Variants in CDH7 observed in about 807,000 individuals in gnomAD.
CDH7 encodes the protein cadherin-7.
CDH7 carries 25 observed loss-of-function variants against 71.8 expected under a neutral mutation model. The ratio of observed to expected loss-of-function variants is 0.35; its 90% CI spans 0.25 to 0.49. CDH7 has a LOEUF of 0.49. CDH7 is among the 20% of genes least tolerant of loss of function. The pLI, the probability that CDH7 is intolerant of heterozygous loss-of-function variation, is 0.99. For missense variants in CDH7, 862 were observed against 974.6 expected, an observed-to-expected ratio of 0.88 and a Z score of 1.54; for synonymous variants, 381 against 363.8, an observed-to-expected ratio of 1.05 and a Z score of -0.54.
At chr18:65,787,486 C>T (rs1481591050) in intron 2 of CDH7, among the ~76,000 whole-genome samples, 4 of 152,132 alleles carry the variant, frequency 2.6e-5, no homozygotes, top group Non-Finnish European at 5.9e-5. Context: ...AGAGTAGTTA[C>T]CAAATACAAG....
At chr18:65,819,507 A>G (rs1911841667) in intron 4 of CDH7, among the ~76,000 whole-genome samples, 1 of 152,124 alleles carries the variant, frequency 6.6e-6, no homozygotes, top group South Asian at 2.1e-4. Context: ...CTCTTGATAT[A>G]TATTATTAAG....
chr18:65,834,132 T>G (rs1419288501), intron 6 of CDH7, among the ~76,000 whole-genome samples: 3 of 152,212 alleles, frequency 2.0e-5, no homozygotes, highest in Non-Finnish European at 2.9e-5. Flanking sequence ...AGGAGAGAAT[T>G]TAATAATTGT....
chr18:65,781,002 T>C (rs955749963), intron 2 of CDH7, among the ~76,000 whole-genome samples: 5 of 150,308 alleles, frequency 3.3e-5, no homozygotes, highest in Non-Finnish European at 4.4e-5. Flanking sequence ...CTAGCTATGG[T>C]CCCATCTTCA....
At chr18:65,848,865 T>C (rs1289206468) in intron 7 of CDH7, among the ~76,000 whole-genome samples, 2 of 152,210 alleles carry the variant, frequency 1.3e-5, no homozygotes. Context: ...ATTCCTAGTA[T>C]TGTATATCCT....
intron 2 of CDH7, among the ~76,000 whole-genome samples, chr18:65,797,326 T>G (rs1365752251): frequency 1.3e-5 from 2 of 152,196 alleles, no homozygotes; most frequent in Non-Finnish European, 2.9e-5. Context: ...TTTTCCCTTT[T>G]TCTTCCTATT....
chr18:65,882,322 G>T lies in CDH7; in HGVS notation c.*1428G>T, dbSNP rs1327001875. 6.6e-6 allele frequency: 1 copy of T among 152,042 alleles called. No individual in the cohort carries two copies. The highest frequency in any genetic ancestry group is 2.4e-5 in the African/African-American group (1 of 41,404). 9.4% of individuals were successfully genotyped at this position (152,042 alleles called of 1,614,324 possible). A position where few individuals can be genotyped will look rare whatever the true frequency, so the allele number is the denominator to read the frequency against. On this transcript the variant is annotated 3_prime_UTR_variant, in exon 12 of 12. Transcript: ENST00000397968. Reference sequence around the variant, plus strand: ...ATGTTTCTACCTATTATTTTTCCTAGATTAATACTAGTTTAATGTGCATAT... The same window carrying T: ...ATGTTTCTACCTATTATTTTTCCTATATTAATACTAGTTTAATGTGCATAT...
chr18:65,870,059 A>T (rs947014599), intron 11 of CDH7, among the ~76,000 whole-genome samples: 2 of 152,178 alleles, frequency 1.3e-5, no homozygotes, highest in Non-Finnish European at 1.5e-5. Flanking sequence ...TAGCCATGGA[A>T]CTATATAAGG....
intron 2 of CDH7, among the ~76,000 whole-genome samples, chr18:65,772,691 C>T (rs1916582029): frequency 6.6e-6 from 1 of 152,108 alleles, no homozygotes; most frequent in Non-Finnish European, 1.5e-5. Context: ...GACATAGACA[C>T]AACCTTAGAA....
intron 4 of CDH7, among the ~76,000 whole-genome samples, chr18:65,820,327 C>A (rs897395075): frequency 7.9e-5 from 12 of 151,366 alleles, no homozygotes; most frequent in African/African-American, 2.4e-4. Flanking sequence ...TATTATTAAG[C>A]ATGAAAGTCT....
chr18:65,782,531 G>T (rs1056640306), intron 2 of CDH7, among the ~76,000 whole-genome samples: 1 of 152,042 alleles, frequency 6.6e-6, no homozygotes, highest in African/African-American at 2.4e-5. Flanking sequence ...TTTTCTTTTG[G>T]ATGGGTGATA....
At chr18:65,752,895 T>G (rs138685487) in intron 1 of CDH7, among the ~76,000 whole-genome samples, 1 of 152,350 alleles carries the variant, frequency 6.6e-6, no homozygotes, top group African/African-American at 2.4e-5. Context: ...CGTGAGATAT[T>G]ATTGTAATTA....
At chr18:65,828,063 T>G (rs1360491980) in intron 6 of CDH7, among the ~76,000 whole-genome samples, 2 of 151,530 alleles carry the variant, frequency 1.3e-5, no homozygotes, top group African/African-American at 2.4e-5. Flanking sequence ...TACTAGATAG[T>G]GGGAAAATTA....
chr18:65,847,451 G>A (rs1484642780), intron 7 of CDH7, among the ~76,000 whole-genome samples: 1 of 152,120 alleles, frequency 6.6e-6, no homozygotes, highest in Non-Finnish European at 1.5e-5. Context: ...ATTTATGTTT[G>A]TAGTATTTTC....
At chr18:65,780,256 C>A in intron 2 of CDH7, among the ~76,000 whole-genome samples, 1 of 118,442 alleles carries the variant, frequency 8.4e-6, no homozygotes, top group Non-Finnish European at 1.7e-5. Context: ...CTGTAGGTTG[C>A]CTGTTCACTC....
At chr18:65,830,216 G>C (rs1599035765) in intron 6 of CDH7, among the ~76,000 whole-genome samples, 1 of 152,158 alleles carries the variant, frequency 6.6e-6, no homozygotes, top group South Asian at 2.1e-4. Context: ...TAAATGAGAG[G>C]GCTCTTAATG....
In CDH7 at chr18:65,762,768, T is replaced by C; in HGVS notation, c.-75T>C. 1 of 1,296,124 alleles carries C rather than the reference T, an allele frequency of 7.7e-7. No individual in the cohort carries two copies. The highest frequency in any genetic ancestry group is 2.5e-5 in the East Asian group (1 of 40,544). The allele number at this position is 1,296,124 out of a possible 1,614,324, so 80.3% of individuals were successfully genotyped here. A position where few individuals can be genotyped will look rare whatever the true frequency, so the allele number is the denominator to read the frequency against. On this transcript the variant is annotated 5_prime_UTR_variant, in exon 2 of 12. Coordinates refer to ENST00000397968, the MANE Select transcript of CDH7 (RefSeq NM_004361.5). ...ACACCCTGCCGGAGGCAAGAGCTAC[T>C]AAGCCAACTGGAACTGTGCCTTTTC... is the stretch of plus-strand genomic sequence containing the variant.
At chr18:65,865,434 C>G (rs1913723945) in intron 11 of CDH7, 2 of 152,018 alleles carry the variant, frequency 1.3e-5, no homozygotes, top group Admixed American at 1.3e-4. Flanking sequence ...ATATCTCTTC[C>G]ACTTCTAAGG....
upstream of CDH7, chr18:65,750,848 C>G (rs1915846562): frequency 6.6e-6 from 1 of 152,274 alleles, no homozygotes; most frequent in Non-Finnish European, 1.5e-5. Flanking sequence ...GACCCTGCGT[C>G]TCAGCTGCCC....
intron 11 of CDH7, among the ~76,000 whole-genome samples, chr18:65,872,383 A>C (rs942236187): frequency 1.3e-5 from 2 of 152,182 alleles, no homozygotes; most frequent in Non-Finnish European, 1.5e-5. Flanking sequence ...AAAAGTTAAT[A>C]ATATTGAGGG....
Sources: gnomAD v4.1 joint callset for allele counts (sites outside exome capture counted in the v4.1 genomes callset) on GRCh38, gnomAD v4.1.1 for gene constraint, MANE v1.5 for transcripts, NCBI Gene and HGNC (gene_info 2026-07-23, HGNC 2026-07-21) for gene names.